The following RBM33 variants were observed in gnomAD, a reference collection of about 807,000 sequenced individuals.
RBM33 encodes RNA binding motif protein 33.
In RBM33, 28 loss-of-function variants were observed where a neutral mutation model predicts 132.6. The ratio of observed to expected loss-of-function variants is 0.21; its 90% CI spans 0.16 to 0.29. The LOEUF is 0.29. RBM33 is among the 10% of genes least tolerant of loss of function. The pLI is 1.00. For synonymous variants in RBM33, 634 were observed against 593.0 expected (o/e 1.07, Z -1.01); for missense variants, 1,291 against 1,518.5 (o/e 0.85, Z 2.49).
intron 2 of RBM33, among the ~76,000 whole-genome samples, chr7:155,666,184 G>A (rs1798796411): frequency 6.6e-6 from 1 of 152,200 alleles, no homozygotes; most frequent in African/African-American, 2.4e-5. Flanking sequence ...TACACGGTCT[G>A]TAGAATGGTG....
intron 5 of RBM33, among the ~76,000 whole-genome samples, chr7:155,682,915 T>G (rs1175082603): frequency 6.6e-6 from 1 of 152,168 alleles, no homozygotes. Context: ...GGTCTAAGAT[T>G]CAGGTGTTGA....
intron 3 of RBM33, among the ~76,000 whole-genome samples, chr7:155,673,940 G>GTTGTTGTTTTTTTTTTTTTTTTTTTTTTT: frequency 1.5e-4 from 8 of 54,214 alleles, no homozygotes; most frequent in African/African-American, 3.3e-4. Context: ...TTTAGGCTTA[G>GTTGTTGTTTTTTTTTTTTTTTTTTTTTTT]TTTTTTTTTT....
chr7:155,675,149 A>G (rs1425926462), intron 3 of RBM33, among the ~76,000 whole-genome samples: 2 of 152,098 alleles, frequency 1.3e-5, no homozygotes, highest in Admixed American at 6.6e-5. Context: ...TCTGCTAAAA[A>G]TACAAAAATT....
At chr7:155,742,624 C>A (rs1246493145) in intron 13 of RBM33, among the ~76,000 whole-genome samples, 1 of 152,162 alleles carries the variant, frequency 6.6e-6, no homozygotes, top group Admixed American at 6.5e-5. Context: ...ACACTATTAA[C>A]CTCTAGAAGA....
At chr7:155,701,940 C>T (rs1799978528) in intron 6 of RBM33, among the ~76,000 whole-genome samples, 1 of 152,188 alleles carries the variant, frequency 6.6e-6, no homozygotes, top group East Asian at 1.9e-4. Context: ...CCCGGCTCAG[C>T]CTCCGTAAGT....
At chr7:155,768,041 G>A (rs1253961017) in intron 16 of RBM33, among the ~76,000 whole-genome samples, 1 of 152,200 alleles carries the variant, frequency 6.6e-6, no homozygotes, top group Non-Finnish European at 1.5e-5. Flanking sequence ...TCACGTGTGT[G>A]GCCCAGTGTC....
intron 15 of RBM33, 103 bp from the exon 16 acceptor site, chr7:155,766,364 A>C: frequency 7.9e-7 from 1 of 1,271,358 alleles, no homozygotes; most frequent in Non-Finnish European, 1.1e-6. Context: ...AGCTCATGGT[A>C]TATTTTAATG....
In RBM33 at chr7:155,672,928, T is replaced by C. The variant is rs1170764158; in HGVS notation, c.171+13T>C. 6.5e-7 allele frequency: 1 copy of C among 1,526,790 alleles called. No individual in the cohort carries two copies. The highest frequency in any genetic ancestry group is 2.0e-5 in the Admixed American group (1 of 50,524). 94.6% of individuals were successfully genotyped at this position (1,526,790 alleles called of 1,614,324 possible). ...ATCTGGCAAAAAGGTAAGAAGTTTATGTCCTTCTGAGATGAAATACTAGTC... is the reference window on the plus strand; with the variant it reads ...ATCTGGCAAAAAGGTAAGAAGTTTACGTCCTTCTGAGATGAAATACTAGTC... On this transcript the variant is annotated intron_variant, in intron 3 of 17. Transcript: ENST00000401878.
chr7:155,685,635 C>G (rs1799456616), intron 5 of RBM33, among the ~76,000 whole-genome samples: 1 of 152,142 alleles, frequency 6.6e-6, no homozygotes, highest in Non-Finnish European at 1.5e-5. Context: ...GGAGGTGAAC[C>G]TCTGAACTCT....
intron 1 of RBM33, among the ~76,000 whole-genome samples, chr7:155,657,930 T>C (rs2116878086): frequency 6.6e-6 from 1 of 152,328 alleles, no homozygotes; most frequent in South Asian, 2.1e-4. Flanking sequence ...TTAAAAATAA[T>C]GTATATTTTG....
chr7:155,645,347 G>C, intron 1 of RBM33: 1 of 167,002 alleles, frequency 6.0e-6, no homozygotes, highest in Non-Finnish European at 1.3e-5. Flanking sequence ...GATTTAGATT[G>C]ATTTGAAGCC....
At chr7:155,686,651 C>T (rs1344738449) in intron 5 of RBM33, among the ~76,000 whole-genome samples, 4 of 151,970 alleles carry the variant, frequency 2.6e-5, no homozygotes, top group Admixed American at 2.6e-4. Flanking sequence ...CATGACAGGC[C>T]CTGGTGTGTG....
chr7:155,763,374 T>G (rs1174833266), intron 14 of RBM33, among the ~76,000 whole-genome samples: 1 of 152,226 alleles, frequency 6.6e-6, no homozygotes, highest in Non-Finnish European at 1.5e-5. Flanking sequence ...GCTCATTGCC[T>G]TCTTAGGGTA....
chr7:155,659,081 A>G (rs1798571040), intron 1 of RBM33, among the ~76,000 whole-genome samples: 2 of 152,232 alleles, frequency 1.3e-5, no homozygotes, highest in Non-Finnish European at 2.9e-5. Flanking sequence ...AAACAAATGG[A>G]CAGCAACCTT....
At chr7:155,744,455 G>A (rs988211751) in intron 13 of RBM33, among the ~76,000 whole-genome samples, 1 of 152,222 alleles carries the variant, frequency 6.6e-6, no homozygotes, top group African/African-American at 2.4e-5. Context: ...AGGTCAGAGA[G>A]ATTGACTTGT....
intron 4 of RBM33, 44 bp downstream of exon 4, chr7:155,678,728 A>G (rs1266113143): frequency 2.1e-6 from 2 of 934,954 alleles, no homozygotes; most frequent in Admixed American, 2.3e-5. Flanking sequence ...ATTTAACTAA[A>G]TTGATAGGAA....
At chr7:155,645,098 GCTC>G (rs1563124137) in intron 1 of RBM33, 179 bp downstream of exon 1, 3 of 515,690 alleles carry the variant, frequency 5.8e-6, no homozygotes, top group East Asian at 3.6e-5. Context: ...TCCCTTTCTC[GCTC>G]CTCCTCTCCG....
rs752609887 is a variant in RBM33 at position 155,680,665 on chromosome 7, C to T, written c.324C>T (p.Asn108=). 7.5e-6 allele frequency: 12 copies of T among 1,610,380 alleles called. No homozygotes were observed. Among genetic ancestry groups the T allele is most frequent in the South Asian group, 5.5e-5 (5 of 90,468 alleles). Residue 108 remains asparagine, a synonymous_variant, in exon 5 of 18, where the codon AAC becomes AAT. Transcript: ENST00000401878. ...VTSFELSDNT[N]DQSGEQESEY... ...CATTTGAACTCTCTGACAACACTAA[C>T]GACCAATCTGGAGAACAGGAATCTG...
chr7:155,673,793 CACACA>C (rs1563138153), intron 3 of RBM33, among the ~76,000 whole-genome samples: 4 of 144,094 alleles, frequency 2.8e-5, no homozygotes, highest in African/African-American at 1.2e-4. Context: ...CACACACACA[CACACA>C]CACCCCTACC....
Sources: allele counts gnomAD v4.1 joint callset (sites outside exome capture counted in the v4.1 genomes callset), GRCh38; gene constraint gnomAD v4.1.1; transcripts MANE v1.5; gene names NCBI Gene and HGNC (gene_info 2026-07-23, HGNC 2026-07-21).